Variants in CC2D2B observed in about 807,000 individuals in gnomAD.
CC2D2B encodes the protein coiled-coil and C2 domain containing 2B.
CC2D2B carries 128 observed loss-of-function variants against 161.2 expected under a neutral mutation model. That is an observed-to-expected ratio of 0.79 (90% CI 0.69 to 0.92). The LOEUF (loss-of-function observed/expected upper bound fraction) is 0.92. CC2D2B is among the 40% of genes least tolerant of loss of function. The pLI, the probability that CC2D2B is intolerant of heterozygous loss-of-function variation, is 0.00. For missense variants in CC2D2B, 1,173 were observed against 1,375.1 expected, an observed-to-expected ratio of 0.85 and a Z score of 2.32; for synonymous variants, 391 against 449.8, an observed-to-expected ratio of 0.87 and a Z score of 1.65.
At chr10:95,977,402 A>G (rs916734045) in intron 17 of CC2D2B, among the ~76,000 whole-genome samples, 1 of 152,036 alleles carries the variant, frequency 6.6e-6, no homozygotes, top group African/African-American at 2.4e-5. Flanking sequence ...AAAACCAAAA[A>G]CAAACAAACA....
Position 95,961,982 on chromosome 10 carries a change from T to C in CC2D2B, c.1250+13T>C. 3 of 1,231,250 alleles carry C rather than the reference T, an allele frequency of 2.4e-6. No homozygotes were observed. Among genetic ancestry groups the C allele is most frequent in the Non-Finnish European group, 3.0e-6 (3 of 987,308 alleles). 76.3% of individuals were successfully genotyped at this position (1,231,250 alleles called of 1,614,324 possible). A position where few individuals can be genotyped will look rare whatever the true frequency, so the allele number is the denominator to read the frequency against. ...TACAGGTTCAGAGGTAAGTGGCTGCTCTATTTGCTCTTATTGGTCTCCTGA... is the reference window on the plus strand; with the variant it reads ...TACAGGTTCAGAGGTAAGTGGCTGCCCTATTTGCTCTTATTGGTCTCCTGA... On this transcript the variant is annotated intron_variant, in intron 12 of 34. Transcript: ENST00000646931.
At chr10:96,028,213 G>T (rs559784659) in intron 34 of CC2D2B, among the ~76,000 whole-genome samples, 1 of 152,040 alleles carries the variant, frequency 6.6e-6, no homozygotes, top group South Asian at 2.1e-4. Flanking sequence ...GAAAATATTC[G>T]GAAACTACCA....
Position 95,992,562 on chromosome 10 carries a change from C to G in CC2D2B, c.2507C>G (p.Pro836Arg). 2 of 1,234,060 alleles carry G rather than the reference C, an allele frequency of 1.6e-6. No homozygotes were observed. The highest frequency in any genetic ancestry group is 2.0e-6 in the Non-Finnish European group (2 of 988,042). 76.4% of individuals were successfully genotyped at this position (1,234,060 alleles called of 1,614,324 possible). A position where few individuals can be genotyped will look rare whatever the true frequency, so the allele number is the denominator to read the frequency against. ...GATGCAGTTTGTAAGTTTGTTGAAC[C>G]ACGGAGAAAGTTAAAACCTCAGAGG... ...LTDAVCKFVE[P>R]RRKLKPQRKE... The change falls in exon 22 of 35, where the codon CCA becomes CGA. Residue 836 changes from proline to arginine, a missense_variant. This residue lies in a region of CC2D2B where 598 missense variants were observed against 693.2 expected (regional missense o/e 0.86). Transcript: ENST00000646931.
chr10:95,968,007 C>T (rs570320331), intron 14 of CC2D2B, among the ~76,000 whole-genome samples: 4 of 152,160 alleles, frequency 2.6e-5, no homozygotes, highest in African/African-American at 9.7e-5. Flanking sequence ...GGAAAATATT[C>T]AATAAACATT....
intron 6 of CC2D2B, among the ~76,000 whole-genome samples, chr10:95,931,175 A>C (rs1006589644): frequency 6.6e-6 from 1 of 152,096 alleles, no homozygotes; most frequent in Non-Finnish European, 1.5e-5. Flanking sequence ...ATTTGTGTAG[A>C]GGTGTTAATA....
At chr10:95,980,785 C>T (rs971975984) in intron 17 of CC2D2B, among the ~76,000 whole-genome samples, 5 of 152,054 alleles carry the variant, frequency 3.3e-5, no homozygotes, top group African/African-American at 1.2e-4. Context: ...AAAATGTGTG[C>T]TCGTGTTTGG....
At chr10:95,982,521 T>G (rs759412135) in intron 18 of CC2D2B, among the ~76,000 whole-genome samples, 42 of 152,200 alleles carry the variant, frequency 2.8e-4, no homozygotes, top group Non-Finnish European at 4.7e-4. Context: ...CCAACTGAAC[T>G]GCTCTATGTA....
In CC2D2B at chr10:95,981,969, T is replaced by C. The variant is rs2141593894; in HGVS notation, c.1944-6T>C. On this transcript the variant is annotated splice_region_variant and splice_polypyrimidine_tract_variant and intron_variant, in intron 17 of 34. Coordinates refer to ENST00000646931, the MANE Select transcript of CC2D2B (RefSeq NM_001349008.3). Reference sequence around the variant, plus strand: ...GCAAGTTCACAAAATATTTTCTCTATGTTAGTATGTTAAGGAATGTAGATG... The same window carrying C: ...GCAAGTTCACAAAATATTTTCTCTACGTTAGTATGTTAAGGAATGTAGATG... The C allele has an allele frequency of 8.2e-7, 1 of 1,217,636 alleles. No individual in the cohort carries two copies. The allele number at this position is 1,217,636 out of a possible 1,614,324, so 75.4% of individuals were successfully genotyped here.
At chr10:95,938,258 T>C (rs1253180313) in intron 7 of CC2D2B, 69 bp downstream of exon 7, 1 of 976,576 alleles carries the variant, frequency 1.0e-6, no homozygotes, top group Non-Finnish European at 1.5e-6. Flanking sequence ...AGCTTTATTG[T>C]ATGCTGGATA....
chr10:96,002,027 C>CA (rs2078520856), intron 24 of CC2D2B, among the ~76,000 whole-genome samples: 1 of 152,004 alleles, frequency 6.6e-6, no homozygotes, highest in African/African-American at 2.4e-5. Flanking sequence ...AATGTGTGGT[C>CA]ATGTGTGTTT....
intron 34 of CC2D2B, among the ~76,000 whole-genome samples, chr10:96,031,154 C>T (rs1420234845): frequency 6.6e-6 from 1 of 152,084 alleles, no homozygotes; most frequent in Non-Finnish European, 1.5e-5. Flanking sequence ...AGGACAGATA[C>T]AGTCTTGTAC....
In CC2D2B at chr10:96,027,409, C is replaced by A. The variant is rs186486266; in HGVS notation, c.4125+20C>A. On this transcript the variant is annotated intron_variant, in intron 34 of 34. Coordinates refer to ENST00000646931, the MANE Select transcript of CC2D2B (RefSeq NM_001349008.3). ...TATTGGGTTTGTATATGATTTAATG[C>A]ATTAATGACATTTGTTTTATATATG... 1.4e-5 allele frequency: 20 copies of A among 1,471,228 alleles called. No homozygotes were observed. The Admixed American group carries it at 3.9e-4, about 29-fold the overall frequency. The allele number at this position is 1,471,228 out of a possible 1,614,324, so 91.1% of individuals were successfully genotyped here. A position where few individuals can be genotyped will look rare whatever the true frequency, so the allele number is the denominator to read the frequency against.
chr10:96,004,012 A>G (rs2078640702), intron 24 of CC2D2B, 140 bp from the exon 25 acceptor site: 1 of 554,096 alleles, frequency 1.8e-6, no homozygotes, highest in African/African-American at 2.0e-5. Flanking sequence ...CAGTCTTCAG[A>G]ACATAGAACT....
chr10:95,962,855 T>C lies in CC2D2B; in HGVS notation c.1250+886T>C, dbSNP rs1219490953. 1.7e-4 allele frequency among the ~76,000 whole-genome samples: 26 copies of C among 151,446 alleles called. 1 individual carries two copies. ...TTTATCTTAGACTCCTAAATTAATGTAAATGTAATGACTTGCTTCTAATCC... is the reference window on the plus strand; with the variant it reads ...TTTATCTTAGACTCCTAAATTAATGCAAATGTAATGACTTGCTTCTAATCC... On this transcript the variant is annotated intron_variant, in intron 12 of 34. Coordinates refer to ENST00000646931, the MANE Select transcript of CC2D2B (RefSeq NM_001349008.3).
chr10:96,031,738 C>T, intron 34 of CC2D2B, 82 bp from the exon 35 acceptor site: 1 of 1,220,610 alleles, frequency 8.2e-7, no homozygotes, highest in Non-Finnish European at 1.2e-6. Flanking sequence ...TTCTTTGAGG[C>T]TTTTGTGATC....
chr10:95,968,756 A>C lies in CC2D2B; in HGVS notation c.1499A>C (p.Lys500Thr). The change falls in exon 15 of 35, where the codon AAG (lysine) becomes ACG (threonine). Residue 500 changes from lysine (K) to threonine (T), a missense_variant. Lys to Thr is a moderately conservative substitution (Grantham distance 78). Around this residue, in one of 3 missense-constraint regions of CC2D2B, gnomAD observed 277 missense variants for 420.6 expected, o/e 0.66. Transcript: ENST00000646931. ...HEQKRRAKIQ[K>T]LKYFIKIFYN... ...CAAAAAAGAAGAGCCAAAATTCAGAAGCTCAAATACTTTATTAAAATATTT... is the reference window on the plus strand; with the variant it reads ...CAAAAAAGAAGAGCCAAAATTCAGACGCTCAAATACTTTATTAAAATATTT... 1 of 1,214,168 alleles carries C rather than the reference A, an allele frequency of 8.2e-7. No individual in the cohort carries two copies. Among genetic ancestry groups the C allele is most frequent in the Non-Finnish European group, 1.0e-6 (1 of 971,798 alleles). 75.2% of individuals were successfully genotyped at this position (1,214,168 alleles called of 1,614,324 possible).
rs765961878 is a variant in CC2D2B at position 96,016,237 on chromosome 10, C to T, written c.3553C>T (p.His1185Tyr). 7.4e-6 allele frequency: 12 copies of T among 1,612,380 alleles called. No homozygotes were observed. Among genetic ancestry groups the T allele is most frequent in the Non-Finnish European group, 8.5e-6 (10 of 1,179,280 alleles). Residue 1185 changes from histidine to tyrosine, a missense_variant, in exon 30 of 35, where the codon CAT (histidine) becomes TAT (tyrosine). This residue lies in a region of CC2D2B where 598 missense variants were observed against 693.2 expected (regional missense o/e 0.86). Transcript: ENST00000646931. ...ISLAIGNKEEHAILLCNFFLY... is the reference protein window; with the variant it reads ...ISLAIGNKEEYAILLCNFFLY... ...TTTAGCTATCGGAAATAAGGAGGAG[C>T]ATGCCATCCTTCTCTGTAATTTCTT... is the stretch of plus-strand genomic sequence containing the variant.
intron 19 of CC2D2B, among the ~76,000 whole-genome samples, chr10:95,986,144 C>T (rs1387313250): frequency 2.0e-5 from 3 of 151,448 alleles, no homozygotes; most frequent in South Asian, 2.1e-4. Context: ...ACACCCTATT[C>T]GTACACTCCC....
intron 34 of CC2D2B, among the ~76,000 whole-genome samples, chr10:96,029,256 A>ATATATATATATATATATG (rs2079927456): frequency 3.2e-5 from 1 of 31,516 alleles, no homozygotes; most frequent in African/African-American, 3.8e-4. Context: ...ATATATATAT[A>ATATATATATATATATATG]TATATATATA....
Sources: allele counts gnomAD v4.1 joint callset (sites outside exome capture counted in the v4.1 genomes callset), GRCh38; gene constraint gnomAD v4.1.1; regional missense constraint gnomAD v4.1.1; transcripts MANE v1.5; gene names NCBI Gene and HGNC (gene_info 2026-07-23, HGNC 2026-07-21).